Variants in CUX2 observed in about 807,000 individuals in gnomAD.
CUX2 encodes the protein cut like homeobox 2, also known as homeobox protein cut-like 2.
In CUX2, 40 loss-of-function variants were observed where a neutral mutation model predicts 144.8. The observed-to-expected ratio is 0.28, with a 90% CI of 0.21 to 0.36. CUX2 has a LOEUF of 0.36. Ranked by LOEUF, CUX2 falls within the 10% of genes least tolerant of loss-of-function variation. The pLI is 1.00. For synonymous variants in CUX2, 827 were observed against 875.6 expected (o/e 0.94, Z 0.98); for missense variants, 1,615 against 1,994.0 (o/e 0.81, Z 3.62).
At chr12:111,218,366 A>C (rs1395706644) in intron 3 of CUX2, among the ~76,000 whole-genome samples, 1 of 152,018 alleles carries the variant, frequency 6.6e-6, no homozygotes, top group East Asian at 1.9e-4. Flanking sequence ...AAATTTAAAA[A>C]TTAGCTAGTC....
At position 111,035,069 on chromosome 12, in the gene CUX2, G is replaced by A. The variant is rs1234740234; in HGVS notation, c.63+829G>A. Reference sequence around the variant, plus strand: ...TTTGCGCTCCTGCCTCCAGGGCGGTGGAGAGCCGGGAGCGGCGCAGAGCAG... The same window carrying A: ...TTTGCGCTCCTGCCTCCAGGGCGGTAGAGAGCCGGGAGCGGCGCAGAGCAG... On this transcript the variant is annotated intron_variant, in intron 1 of 21. Coordinates refer to ENST00000261726, the MANE Select transcript of CUX2 (RefSeq NM_015267.4). The surrounding 1 kb of genome is among the most constrained non-coding windows in gnomAD (Gnocchi z 6.0). Among the ~76,000 whole-genome samples the A allele has an allele frequency of 2.0e-5, 3 of 152,256 alleles. No homozygotes were observed. Among genetic ancestry groups the A allele is most frequent in the African/African-American group, 4.8e-5 (2 of 41,570 alleles).
In CUX2 at chr12:111,186,172, C is replaced by A. The variant is rs1396711842; in HGVS notation, c.64-28028C>A. On this transcript the variant is annotated intron_variant, in intron 1 of 21. Transcript: ENST00000261726. This position sits in a 1 kb window ranked among gnomAD's most constrained non-coding sequence, Gnocchi z 4.4. ...TCTCCTCTTTCCCACTCTCGGCATC[C>A]ATCCTGCCTTCCCTTCCCTTCTCTC... Among the ~76,000 whole-genome samples the A allele has an allele frequency of 6.6e-6, 1 of 152,116 alleles. No individual in the cohort carries two copies. Among genetic ancestry groups the A allele is most frequent in the Admixed American group, 6.6e-5 (1 of 15,266 alleles).
intron 1 of CUX2, among the ~76,000 whole-genome samples, chr12:111,105,207 C>G (rs886640528): frequency 6.6e-6 from 1 of 152,140 alleles, no homozygotes; most frequent in Non-Finnish European, 1.5e-5. Context: ...TATGGCCTGC[C>G]TCTCCCCAGG....
At chr12:111,342,456 G>A (rs1032161997) in intron 21 of CUX2, among the ~76,000 whole-genome samples, 2 of 151,806 alleles carry the variant, frequency 1.3e-5, no homozygotes, top group Admixed American at 1.3e-4. Flanking sequence ...ACTCCAGCCG[G>A]GGCGACAGAG....
At chr12:111,292,939 A>G (rs188621532) in intron 5 of CUX2, among the ~76,000 whole-genome samples, 15 of 152,308 alleles carry the variant, frequency 9.8e-5, no homozygotes, top group African/African-American at 3.6e-4. Context: ...CCTGGACAAC[A>G]TGGTAAAACC....
chr12:111,338,295 T>A lies in CUX2; in HGVS notation c.3206T>A (p.Leu1069Gln). The stretch of plus-strand genomic sequence containing the variant: ...CCTCCCCTATCCCCAGGGCAGCGGC[T>A]GTTTGGGGAAAGCATCCTGGGTCTG... ...VLTDNNLGQR[L>Q]FGESILGLTQ... Residue 1069 changes from leucine to glutamine, a missense_variant, in exon 20 of 22, where the codon CTG becomes CAG. Physicochemically the swap from Leu to Gln is moderately radical, Grantham distance 113 (BLOSUM62 -2). Transcript: ENST00000261726. 1 of 1,609,826 alleles carries A rather than the reference T, an allele frequency of 6.2e-7. No individual in the cohort carries two copies. Among genetic ancestry groups the A allele is most frequent in the Non-Finnish European group, 8.5e-7 (1 of 1,177,718 alleles).
chr12:111,068,686 C>G lies in CUX2; in HGVS notation c.63+34446C>G, dbSNP rs987337867. On this transcript the variant is annotated intron_variant, in intron 1 of 21. Coordinates refer to ENST00000261726, the MANE Select transcript of CUX2 (RefSeq NM_015267.4). This position sits in a 1 kb window ranked among gnomAD's most constrained non-coding sequence, Gnocchi z 4.9. Reference sequence around the variant, plus strand: ...CTGCCTTGCGTGGTTCAACTCCGCCCCCTTCTTCCCTGATTCGTGTGCCCA... The same window carrying G: ...CTGCCTTGCGTGGTTCAACTCCGCCGCCTTCTTCCCTGATTCGTGTGCCCA... Among the ~76,000 whole-genome samples, 2 of 152,198 alleles carry G rather than the reference C, an allele frequency of 1.3e-5. No homozygotes were observed. The highest frequency in any genetic ancestry group is 4.8e-5 in the African/African-American group (2 of 41,460).
At chr12:111,127,377 AG>A (rs1255186464) in intron 1 of CUX2, among the ~76,000 whole-genome samples, 2 of 152,194 alleles carry the variant, frequency 1.3e-5, no homozygotes, top group Admixed American at 1.3e-4. Flanking sequence ...AGTTTGTCAC[AG>A]GGCATGGTAA....
intron 1 of CUX2, among the ~76,000 whole-genome samples, chr12:111,098,372 C>G (rs1008682033): frequency 6.6e-6 from 1 of 151,642 alleles, no homozygotes; most frequent in African/African-American, 2.4e-5. Context: ...TGCACTCCAG[C>G]CTGAGCGACA....
Position 111,057,472 on chromosome 12 carries a change from C to T in CUX2, c.63+23232C>T, listed in dbSNP as rs1448399985. Among the ~76,000 whole-genome samples, 1 of 152,126 alleles carries T rather than the reference C, an allele frequency of 6.6e-6. No homozygotes were observed. Among genetic ancestry groups the T allele is most frequent in the African/African-American group, 2.4e-5 (1 of 41,408 alleles). On this transcript the variant is annotated intron_variant, in intron 1 of 21. Coordinates refer to ENST00000261726, the MANE Select transcript of CUX2 (RefSeq NM_015267.4). This position sits in a 1 kb window ranked among gnomAD's most constrained non-coding sequence, Gnocchi z 5.1. ...ACAGGGCCCTAGATGCTGACAGCACCACCTTTCCTTGCTTTCCAAGCTGCC... is the reference window on the plus strand; with the variant it reads ...ACAGGGCCCTAGATGCTGACAGCACTACCTTTCCTTGCTTTCCAAGCTGCC...
intron 1 of CUX2, among the ~76,000 whole-genome samples, chr12:111,076,145 A>G (rs1258457830): frequency 2.0e-5 from 3 of 152,190 alleles, no homozygotes; most frequent in African/African-American, 7.2e-5. Flanking sequence ...TTCCCACTAA[A>G]GCCTTGTGCA....
chr12:111,145,286 C>A (rs1876596729), intron 1 of CUX2, among the ~76,000 whole-genome samples: 1 of 152,154 alleles, frequency 6.6e-6, no homozygotes, highest in South Asian at 2.1e-4. Context: ...GGCCCTAGCA[C>A]CTTCTGAGGT....
rs555174917 is a variant in CUX2 at position 111,300,796 on chromosome 12, G to A, written c.753+2207G>A. ...CTCATGCCTCTAATCCCAACACTCT[G>A]GGAGGCCGAGGTGGGATGATCACTT... On this transcript the variant is annotated intron_variant, in intron 9 of 21. Transcript: ENST00000261726. 3.3e-5 allele frequency among the ~76,000 whole-genome samples: 5 copies of A among 152,260 alleles called. No homozygotes were observed. In the East Asian group the frequency reaches 9.6e-4, roughly 29 times the overall value.
rs1442254052 is a variant in CUX2, at chr12:111,334,728, A to T, written c.3196+18A>T. 1 of 1,571,802 alleles carries T rather than the reference A, an allele frequency of 6.4e-7. No individual in the cohort carries two copies. On this transcript the variant is annotated intron_variant, in intron 19 of 21. Transcript: ENST00000261726. ...CAATCTAGGTACGGAGCGGGTGGGAATCGGAGAGGCTGCCTCCCACCTGGG... is the reference window on the plus strand; with the variant it reads ...CAATCTAGGTACGGAGCGGGTGGGATTCGGAGAGGCTGCCTCCCACCTGGG...
At chr12:111,153,628 A>G (rs1032309606) in intron 1 of CUX2, among the ~76,000 whole-genome samples, 5 of 152,208 alleles carry the variant, frequency 3.3e-5, no homozygotes, top group Non-Finnish European at 5.9e-5. Context: ...TCCATCCATC[A>G]CTGAGCAAAA....
At chr12:111,331,508 T>C (rs141446078) in intron 18 of CUX2, among the ~76,000 whole-genome samples, 1 of 152,122 alleles carries the variant, frequency 6.6e-6, no homozygotes, top group Non-Finnish European at 1.5e-5. Context: ...TTTCCTGGTT[T>C]CTCAGGAGGC....
At position 111,307,554 on chromosome 12, in the gene CUX2, G is replaced by A. The variant is rs1886650433; in HGVS notation, c.1109+297G>A. 6.6e-6 allele frequency among the ~76,000 whole-genome samples: 1 copy of A among 152,132 alleles called. No individual in the cohort carries two copies. Among genetic ancestry groups the A allele is most frequent in the Admixed American group, 6.5e-5 (1 of 15,268 alleles). On this transcript the variant is annotated intron_variant, in intron 12 of 21. Transcript: ENST00000261726. This position sits in a 1 kb window ranked among gnomAD's most constrained non-coding sequence, Gnocchi z 4.1. ...GAAAAAAACAATTTTAATTAGCCAG[G>A]AGTGGTGGTGATGCGTGCTGTAGTC...
intron 1 of CUX2, among the ~76,000 whole-genome samples, chr12:111,120,800 C>T (rs886822731): frequency 2.0e-5 from 3 of 151,978 alleles, no homozygotes; most frequent in East Asian, 1.9e-4. Flanking sequence ...GAGATAAATG[C>T]GGGAAACGTG....
intron 1 of CUX2, among the ~76,000 whole-genome samples, chr12:111,213,818 T>C (rs1036689556): frequency 5.3e-5 from 8 of 152,132 alleles, no homozygotes; most frequent in Non-Finnish European, 7.4e-5. Flanking sequence ...ACTTTACTAT[T>C]TTGACATGGT....
Sources: allele counts gnomAD v4.1 joint callset (sites outside exome capture counted in the v4.1 genomes callset), GRCh38; gene constraint gnomAD v4.1.1; non-coding constraint Gnocchi (gnomAD v3.1); transcripts MANE v1.5; gene names NCBI Gene and HGNC (gene_info 2026-07-23, HGNC 2026-07-21).